Variants in SSH2 observed in about 807,000 individuals in gnomAD.
SSH2 encodes the protein protein phosphatase Slingshot homolog 2.
Under a neutral mutation model 135.2 loss-of-function variants are expected in SSH2, and 37 were observed. That is an observed-to-expected ratio of 0.27 (90% CI 0.21 to 0.36). The LOEUF (loss-of-function observed/expected upper bound fraction) is 0.36, where lower values mean the gene tolerates loss of function less well. Ranked by LOEUF, SSH2 falls within the 10% of genes least tolerant of loss-of-function variation. The pLI is 1.00. For synonymous variants in SSH2, 628 were observed against 646.2 expected (o/e 0.97, Z 0.43); for missense variants, 1,408 against 1,765.3 (o/e 0.80, Z 3.63).
chr17:29,705,122 G>GT (rs1187383821), intron 3 of SSH2, among the ~76,000 whole-genome samples: 1 of 152,132 alleles, frequency 6.6e-6, no homozygotes, highest in Non-Finnish European at 1.5e-5. Flanking sequence ...GTCATCCTTA[G>GT]TGTCTTTCCT....
At chr17:29,923,895 G>C (rs2067019471) in intron 1 of SSH2, among the ~76,000 whole-genome samples, 1 of 152,222 alleles carries the variant, frequency 6.6e-6, no homozygotes, top group Middle Eastern at 3.4e-3. Flanking sequence ...AACAGACTGA[G>C]ACTCTGTCTC....
intron 11 of SSH2, among the ~76,000 whole-genome samples, chr17:29,656,103 A>G (rs948161826): frequency 6.6e-6 from 1 of 152,220 alleles, no homozygotes; most frequent in African/African-American, 2.4e-5. Context: ...CAGGTGCTCA[A>G]TAAACATTTG....
intron 3 of SSH2, among the ~76,000 whole-genome samples, chr17:29,792,902 C>T (rs953545281): frequency 3.3e-5 from 5 of 152,124 alleles, no homozygotes; most frequent in African/African-American, 1.2e-4. Flanking sequence ...TCTTGATCTC[C>T]TGACCTCGTG....
At chr17:29,673,197 AC>A (rs1183799925) in intron 8 of SSH2, among the ~76,000 whole-genome samples, 1 of 152,190 alleles carries the variant, frequency 6.6e-6, no homozygotes, top group Non-Finnish European at 1.5e-5. Context: ...CTAAAAGAAT[AC>A]CTAGTTCACA....
In SSH2 at chr17:29,661,136, T is replaced by C. The variant is rs1262457742; in HGVS notation, c.1033-5529A>G. Reference sequence around the variant, plus strand: ...CCTCATTTCCCACGTATCTCATCCATAGCACTTGGGCCTCTGCCCTCATCA... The same window carrying C: ...CCTCATTTCCCACGTATCTCATCCACAGCACTTGGGCCTCTGCCCTCATCA... On this transcript the variant is annotated intron_variant, in intron 11 of 15. Transcript: ENST00000540801. Among the ~76,000 whole-genome samples the C allele has an allele frequency of 2.7e-5, 4 of 150,786 alleles. No homozygotes were observed. The East Asian group carries it at 7.9e-4, about 30-fold the overall frequency.
At chr17:29,660,840 T>C (rs1233109650) in intron 11 of SSH2, among the ~76,000 whole-genome samples, 1 of 151,572 alleles carries the variant, frequency 6.6e-6, no homozygotes, top group Non-Finnish European at 1.5e-5. Context: ...GCAGATCACC[T>C]GAGGTCAGGA....
chr17:29,640,371 C>T (rs1011101030), intron 14 of SSH2, among the ~76,000 whole-genome samples: 6 of 152,080 alleles, frequency 3.9e-5, no homozygotes, highest in East Asian at 1.9e-4. Flanking sequence ...CCACCACGCC[C>T]GGCCCCTCCA....
At chr17:29,831,156 C>T (rs2042837584) in intron 2 of SSH2, among the ~76,000 whole-genome samples, 1 of 152,056 alleles carries the variant, frequency 6.6e-6, no homozygotes, top group South Asian at 2.1e-4. Flanking sequence ...CTAGCAGACC[C>T]GGGTGAGGGT....
chr17:29,684,502 A>G, intron 6 of SSH2, 61 bp downstream of exon 6: 1 of 1,452,626 alleles, frequency 6.9e-7, no homozygotes. Flanking sequence ...AAAAAAAAAA[A>G]AGCAACTGGA....
intron 1 of SSH2, among the ~76,000 whole-genome samples, chr17:29,852,924 C>CT (rs758839890): frequency 1.2e-4 from 18 of 151,824 alleles, no homozygotes; most frequent in Non-Finnish European, 1.5e-4. Context: ...GAGTATATGG[C>CT]TTATTCCAAG....
intron 1 of SSH2, among the ~76,000 whole-genome samples, chr17:29,880,966 C>T (rs1489664193): frequency 6.6e-6 from 1 of 152,028 alleles, no homozygotes; most frequent in Admixed American, 6.6e-5. Flanking sequence ...ACAGCATATC[C>T]CACAACAATT....
intron 1 of SSH2, among the ~76,000 whole-genome samples, chr17:29,906,571 C>T (rs2066657835): frequency 6.6e-6 from 1 of 152,130 alleles, no homozygotes; most frequent in South Asian, 2.1e-4. Context: ...TCAGAGCAAA[C>T]AGACAACCTA....
chr17:29,827,211 G>GA (rs2042761751), intron 2 of SSH2, among the ~76,000 whole-genome samples: 1 of 152,150 alleles, frequency 6.6e-6, no homozygotes, highest in Non-Finnish European at 1.5e-5. Context: ...AAGTTACAAG[G>GA]AAATTCCCTC....
At chr17:29,665,518 A>G (rs1439220572) in intron 11 of SSH2, among the ~76,000 whole-genome samples, 1 of 152,218 alleles carries the variant, frequency 6.6e-6, no homozygotes, top group African/African-American at 2.4e-5. Flanking sequence ...GTTCCTGAGC[A>G]TTTATTCTCC....
intron 6 of SSH2, among the ~76,000 whole-genome samples, chr17:29,681,038 C>T (rs868493865): frequency 1.1e-4 from 16 of 151,902 alleles, no homozygotes; most frequent in African/African-American, 3.4e-4. Flanking sequence ...GGCCAGAGTG[C>T]TTTTTTACAT....
At chr17:29,817,320 T>C (rs1248441547) in intron 2 of SSH2, among the ~76,000 whole-genome samples, 1 of 152,230 alleles carries the variant, frequency 6.6e-6, no homozygotes, top group Non-Finnish European at 1.5e-5. Flanking sequence ...ACAAGCCTCA[T>C]GAAGTTCTCT....
intron 3 of SSH2, chr17:29,716,561 T>C: frequency 1.4e-6 from 1 of 720,586 alleles, no homozygotes; most frequent in Non-Finnish European, 2.5e-6. Flanking sequence ...ACCCATTCCC[T>C]TGATGTCTAC....
intron 5 of SSH2, among the ~76,000 whole-genome samples, chr17:29,692,574 C>T (rs2038533759): frequency 6.6e-6 from 1 of 152,206 alleles, no homozygotes; most frequent in Non-Finnish European, 1.5e-5. Context: ...TCTTCCAAGT[C>T]TCTATGTAGT....
intron 2 of SSH2, among the ~76,000 whole-genome samples, chr17:29,816,260 T>C (rs1310196201): frequency 6.6e-6 from 1 of 152,166 alleles, no homozygotes; most frequent in African/African-American, 2.4e-5. Context: ...GAGCATCAAA[T>C]TTACTTAACG....
Sources: allele counts gnomAD v4.1 joint callset (sites outside exome capture counted in the v4.1 genomes callset), GRCh38; gene constraint gnomAD v4.1.1; transcripts MANE v1.5; gene names NCBI Gene and HGNC (gene_info 2026-07-23, HGNC 2026-07-21).